Variants in CENPP observed in about 807,000 individuals in gnomAD.
CENPP encodes centromere protein P.
CENPP carries 24 observed loss-of-function variants against 35.6 expected under a neutral mutation model. The ratio of observed to expected loss-of-function variants is 0.67; its 90% confidence interval spans 0.49 to 0.95. The LOEUF (loss-of-function observed/expected upper bound fraction) is 0.95, where lower values mean the gene tolerates loss of function less well. CENPP is among the 40% of genes least tolerant of loss of function. The pLI is 0.00. For missense variants in CENPP, 332 were observed against 345.3 expected, an observed-to-expected ratio of 0.96 and a Z score of 0.31; for synonymous variants, 120 against 125.5, an observed-to-expected ratio of 0.96 and a Z score of 0.29.
intron 5 of CENPP, among the ~76,000 whole-genome samples, chr9:92,418,757 G>A (rs909343158): frequency 2.0e-5 from 3 of 152,144 alleles, no homozygotes; most frequent in Admixed American, 1.3e-4. Flanking sequence ...TTTAGAAATA[G>A]TATTCATGTT....
intron 5 of CENPP, among the ~76,000 whole-genome samples, chr9:92,431,109 A>T (rs1588125461): frequency 3.3e-5 from 5 of 152,198 alleles, no homozygotes; most frequent in African/African-American, 1.2e-4. Flanking sequence ...CTTTATTTTT[A>T]AATTTAAAAA....
At position 92,619,287 on chromosome 9, in the gene CENPP, ATCTG is replaced by A. The variant is rs1215708838; in HGVS notation, c.*6142_*6145del. 5.3e-6 allele frequency: 3 copies of A among 566,060 alleles called. No individual in the cohort carries two copies. The highest frequency in any genetic ancestry group is 6.3e-6 in the Non-Finnish European group (2 of 315,112). 35.1% of individuals were successfully genotyped at this position (566,060 alleles called of 1,614,324 possible). On this transcript the variant is annotated 3_prime_UTR_variant, in exon 8 of 8. Coordinates refer to ENST00000375587, the MANE Select transcript of CENPP (RefSeq NM_001012267.3). Reference sequence around the variant, plus strand: ...AATCCTTTTAAGTTATTCTCCATAAATCTGTCTTTTGACTGAATTACAAGCTTCT... The same window carrying A: ...AATCCTTTTAAGTTATTCTCCATAAATCTTTTGACTGAATTACAAGCTTCT...
At chr9:92,515,181 A>G in intron 5 of CENPP, 2 of 1,596,986 alleles carry the variant, frequency 1.3e-6, no homozygotes, top group South Asian at 1.1e-5. Flanking sequence ...TTAATGCTAT[A>G]CCACTGAGTA....
chr9:92,423,037 T>C (rs1843860967), intron 5 of CENPP, among the ~76,000 whole-genome samples: 1 of 152,206 alleles, frequency 6.6e-6, no homozygotes. Context: ...TAATAAGTTA[T>C]AGGTTAAGGC....
At position 92,613,199 on chromosome 9, in the gene CENPP, C is replaced by A; in HGVS notation, c.*50C>A. 1 of 1,608,188 alleles carries A rather than the reference C, an allele frequency of 6.2e-7. No individual in the cohort carries two copies. Among genetic ancestry groups the A allele is most frequent in the Non-Finnish European group, 8.5e-7 (1 of 1,175,076 alleles). ...TGAAGATGCTGCGTGGAGGAACATG[C>A]AATTTTATTCAATATAAACATTTGC... is the stretch of plus-strand genomic sequence containing the variant. On this transcript the variant is annotated 3_prime_UTR_variant, in exon 8 of 8. Transcript: ENST00000375587.
intron 5 of CENPP, chr9:92,384,542 A>G (rs1842350124): frequency 6.6e-6 from 1 of 152,202 alleles, no homozygotes. Flanking sequence ...CTCTGGCACC[A>G]CTGAGTCATC....
At chr9:92,514,633 G>A (rs756788903) in intron 5 of CENPP, 1 of 1,567,344 alleles carries the variant, frequency 6.4e-7, no homozygotes, top group Non-Finnish European at 8.7e-7. Flanking sequence ...TCTCTTACCA[G>A]TGAGCTCCAG....
intron 5 of CENPP, among the ~76,000 whole-genome samples, chr9:92,469,627 T>C (rs1845436078): frequency 6.6e-6 from 1 of 152,102 alleles, no homozygotes; most frequent in Non-Finnish European, 1.5e-5. Flanking sequence ...GACTTTAAAT[T>C]TGTTTTCTCC....
intron 5 of CENPP, among the ~76,000 whole-genome samples, chr9:92,450,106 T>C (rs1171317404): frequency 6.6e-6 from 1 of 152,004 alleles, no homozygotes. Flanking sequence ...ATTATTATTA[T>C]TATTATACTT....
At chr9:92,433,383 T>A (rs960250983) in intron 5 of CENPP, among the ~76,000 whole-genome samples, 1 of 152,168 alleles carries the variant, frequency 6.6e-6, no homozygotes, top group Non-Finnish European at 1.5e-5. Flanking sequence ...CCTCCCGCAA[T>A]CAGTTTTCGG....
chr9:92,364,911 G>T (rs1411806688), intron 4 of CENPP, among the ~76,000 whole-genome samples: 2 of 152,124 alleles, frequency 1.3e-5, no homozygotes, highest in East Asian at 3.9e-4. Flanking sequence ...GTACATGGTT[G>T]GTGTTCAAAC....
chr9:92,586,769 A>G (rs1850550759), intron 5 of CENPP, among the ~76,000 whole-genome samples: 1 of 152,168 alleles, frequency 6.6e-6, no homozygotes, highest in African/African-American at 2.4e-5. Flanking sequence ...AGATATTGTA[A>G]CAAAGACTTC....
intron 5 of CENPP, among the ~76,000 whole-genome samples, chr9:92,591,605 C>T (rs904837590): frequency 6.0e-5 from 9 of 150,762 alleles, no homozygotes; most frequent in Admixed American, 4.7e-4. Flanking sequence ...AGGAAAATCA[C>T]GGGAAATAAA....
At chr9:92,534,188 T>G (rs2131295091) in intron 5 of CENPP, among the ~76,000 whole-genome samples, 1 of 152,320 alleles carries the variant, frequency 6.6e-6, no homozygotes, top group East Asian at 1.9e-4. Flanking sequence ...CACCAGGAGC[T>G]CCCCTTTTTA....
chr9:92,402,734 G>C (rs1284570567), intron 5 of CENPP, among the ~76,000 whole-genome samples: 1 of 152,124 alleles, frequency 6.6e-6, no homozygotes, highest in East Asian at 1.9e-4. Context: ...TCAGTTTTTG[G>C]TACTGTATGT....
intron 5 of CENPP, among the ~76,000 whole-genome samples, chr9:92,549,160 C>A (rs1849533047): frequency 6.6e-6 from 1 of 152,166 alleles, no homozygotes; most frequent in South Asian, 2.1e-4. Context: ...ACCAAACAGA[C>A]CCACTCATAG....
chr9:92,456,634 A>C (rs1302971421), intron 5 of CENPP: 3 of 152,506 alleles, frequency 2.0e-5, no homozygotes, highest in African/African-American at 7.2e-5. Context: ...AAAAAAAAAA[A>C]AGCATATGCT....
At chr9:92,600,715 G>A (rs1465365263) in intron 5 of CENPP, among the ~76,000 whole-genome samples, 3 of 152,218 alleles carry the variant, frequency 2.0e-5, no homozygotes, top group Non-Finnish European at 4.4e-5. Flanking sequence ...CCAGGTTTAT[G>A]CCCCACCATG....
intron 4 of CENPP, among the ~76,000 whole-genome samples, chr9:92,375,821 C>G (rs891669270): frequency 6.6e-6 from 1 of 150,598 alleles, no homozygotes. Context: ...AGTAATTCCC[C>G]TAGTCATTCA....
Sources: gnomAD v4.1 joint callset for allele counts (sites outside exome capture counted in the v4.1 genomes callset) on GRCh38, gnomAD v4.1.1 for gene constraint, MANE v1.5 for transcripts, NCBI Gene and HGNC (gene_info 2026-07-23, HGNC 2026-07-21) for gene names.